Variants in PSMD9 observed in about 807,000 individuals in gnomAD.
PSMD9 encodes the protein 26S proteasome non-ATPase regulatory subunit 9.
Under a neutral mutation model 25.9 loss-of-function variants are expected in PSMD9, and 26 were observed. The ratio of observed to expected loss-of-function variants is 1.00; its 90% CI spans 0.73 to 1.39. PSMD9 has a LOEUF of 1.39. PSMD9 is among the 40% of genes most tolerant of loss of function. The pLI is 0.00. For missense variants in PSMD9, 303 were observed against 299.3 expected, an observed-to-expected ratio of 1.01 and a Z score of -0.09; for synonymous variants, 110 against 114.5, an observed-to-expected ratio of 0.96 and a Z score of 0.25.
chr12:121,907,478 C>G (rs369966084), intron 4 of PSMD9, among the ~76,000 whole-genome samples: 2 of 152,092 alleles, frequency 1.3e-5, no homozygotes, highest in Non-Finnish European at 2.9e-5. Context: ...CTCTGCCTCC[C>G]GGCACCTGGC....
At chr12:121,906,286 C>T (rs1879551646) in intron 4 of PSMD9, among the ~76,000 whole-genome samples, 1 of 151,964 alleles carries the variant, frequency 6.6e-6, no homozygotes, top group African/African-American at 2.4e-5. Context: ...GTGAGTAGGG[C>T]CTTTCTGGCT....
chr12:121,890,302 C>G (rs1879030566), intron 1 of PSMD9, among the ~76,000 whole-genome samples: 1 of 152,154 alleles, frequency 6.6e-6, no homozygotes, highest in South Asian at 2.1e-4. Context: ...GACTTCAGGT[C>G]TGTTACATTC....
At chr12:121,889,269 C>T (rs1878987913) in intron 1 of PSMD9, among the ~76,000 whole-genome samples, 1 of 152,238 alleles carries the variant, frequency 6.6e-6, no homozygotes, top group Non-Finnish European at 1.5e-5. Flanking sequence ...TTAATTTAAT[C>T]TTTGCAACAA....
chr12:121,890,196 C>T (rs55826938), intron 1 of PSMD9, among the ~76,000 whole-genome samples: 38,301 of 152,098 alleles, frequency 0.25, 6,120 homozygotes, highest in East Asian at 0.57. Flanking sequence ...GGATTACAGG[C>T]GTGAGCCACC....
chr12:121,894,735 C>T lies in PSMD9; in HGVS notation c.139-4C>T. Reference sequence around the variant, plus strand: ...CACCTTTTAACCACGTTTCTTTCCTCCAGCAAAAAGGCATTGGGATGAACG... The same window carrying T: ...CACCTTTTAACCACGTTTCTTTCCTTCAGCAAAAAGGCATTGGGATGAACG... On this transcript the variant is annotated splice_polypyrimidine_tract_variant and splice_region_variant and intron_variant, in intron 1 of 5. Transcript: ENST00000541212. 1 of 1,613,794 alleles carries T rather than the reference C, an allele frequency of 6.2e-7. No individual in the cohort carries two copies. The highest frequency in any genetic ancestry group is 8.5e-7 in the Non-Finnish European group (1 of 1,179,842).
chr12:121,900,636 T>G (rs1222618971), intron 3 of PSMD9, among the ~76,000 whole-genome samples: 1 of 150,090 alleles, frequency 6.7e-6, no homozygotes, highest in East Asian at 2.0e-4. Flanking sequence ...TACAGTTTAG[T>G]GTCTTTTGGT....
chr12:121,916,616 T>C lies in PSMD9; in HGVS notation c.*305T>C. The C allele has an allele frequency of 2.7e-6, 1 of 371,544 alleles. No homozygotes were observed. Among genetic ancestry groups the C allele is most frequent in the Non-Finnish European group, 4.9e-6 (1 of 203,902 alleles). The allele number at this position is 371,544 out of a possible 1,614,324, so 23.0% of individuals were successfully genotyped here. A position where few individuals can be genotyped will look rare whatever the true frequency, so the allele number is the denominator to read the frequency against. On this transcript the variant is annotated 3_prime_UTR_variant, in exon 6 of 6. Coordinates refer to ENST00000541212, the MANE Select transcript of PSMD9 (RefSeq NM_002813.7). ...CTGGTGTGATTATTATTATTATTTT[T>C]AATAAAGAGTTTTACAGTGCTGATA...
chr12:121,899,517 C>A, intron 2 of PSMD9, 117 bp from the exon 3 acceptor site: 1 of 979,824 alleles, frequency 1.0e-6, no homozygotes, highest in Non-Finnish European at 1.5e-6. Context: ...CTCCTTCTCA[C>A]CTCTAGCTCC....
At chr12:121,903,863 G>A (rs1041700101) in intron 4 of PSMD9, among the ~76,000 whole-genome samples, 4 of 151,406 alleles carry the variant, frequency 2.6e-5, no homozygotes, top group Admixed American at 6.6e-5. Context: ...TTGTGGAGGC[G>A]GGGTCTTGCT....
intron 1 of PSMD9, among the ~76,000 whole-genome samples, chr12:121,889,447 G>A (rs1031830669): frequency 2.0e-5 from 3 of 152,144 alleles, no homozygotes; most frequent in African/African-American, 4.8e-5. Flanking sequence ...CGAACTCATG[G>A]CCTCAAGCGA....
chr12:121,917,742 TGGTA>T lies in PSMD9; in HGVS notation c.*1433_*1436del, dbSNP rs1879964671. On this transcript the variant is annotated 3_prime_UTR_variant, in exon 6 of 6. Transcript: ENST00000541212. ...CCTGACAGCCATACGTATTCCCCTC[TGGTA>T]GCCACAGACATGCTGTGTTTACCAA... The T allele has an allele frequency of 6.6e-6, 1 of 152,246 alleles. No individual in the cohort carries two copies. Among genetic ancestry groups the T allele is most frequent in the Non-Finnish European group, 1.5e-5 (1 of 68,042 alleles). 9.4% of individuals were successfully genotyped at this position (152,246 alleles called of 1,614,324 possible). A position where few individuals can be genotyped will look rare whatever the true frequency, so the allele number is the denominator to read the frequency against.
intron 2 of PSMD9, 195 bp from the exon 3 acceptor site, chr12:121,899,439 T>C (rs1214548948): frequency 1.7e-6 from 1 of 594,932 alleles, no homozygotes. Context: ...TTGTAATTAC[T>C]TATTCTGGAG....
intron 2 of PSMD9, among the ~76,000 whole-genome samples, chr12:121,896,090 C>T (rs1879219896): frequency 6.6e-6 from 1 of 151,628 alleles, no homozygotes; most frequent in South Asian, 2.1e-4. Flanking sequence ...ACTGCAACTT[C>T]CACCTCCCGA....
At chr12:121,889,657 G>A (rs541322594) in intron 1 of PSMD9, among the ~76,000 whole-genome samples, 1 of 152,266 alleles carries the variant, frequency 6.6e-6, no homozygotes, top group African/African-American at 2.4e-5. Flanking sequence ...TGATGCTAGT[G>A]GTCTAAGGAC....
intron 3 of PSMD9, chr12:121,902,095 A>G (rs1879416913): frequency 6.6e-6 from 1 of 152,232 alleles, no homozygotes; most frequent in South Asian, 2.1e-4. Context: ...GCTATTACGA[A>G]GCATGTTGCT....
intron 4 of PSMD9, among the ~76,000 whole-genome samples, chr12:121,909,055 G>A (rs1879641326): frequency 6.6e-6 from 1 of 152,090 alleles, no homozygotes; most frequent in East Asian, 1.9e-4. Flanking sequence ...TGGATGTTAG[G>A]TAGAGAACAG....
At chr12:121,914,023 G>T (rs910620315) in intron 4 of PSMD9, among the ~76,000 whole-genome samples, 1 of 151,998 alleles carries the variant, frequency 6.6e-6, no homozygotes, top group African/African-American at 2.4e-5. Context: ...AGCCTCCCGA[G>T]TAGCTGGGAC....
At chr12:121,909,000 C>T (rs187136503) in intron 4 of PSMD9, among the ~76,000 whole-genome samples, 9 of 151,776 alleles carry the variant, frequency 5.9e-5, no homozygotes, top group East Asian at 3.9e-4. Flanking sequence ...AGGGAGCCAC[C>T]GCACAGTTCC....
Position 121,917,147 on chromosome 12 carries a change from T to G in PSMD9, c.*836T>G, listed in dbSNP as rs1879935900. ...CTGGGACCACAGGCGTGCACCACCA[T>G]GCATAGCTAATTTATTTTTTGTAGA... On this transcript the variant is annotated 3_prime_UTR_variant, in exon 6 of 6. Transcript: ENST00000541212. 2.0e-5 allele frequency: 3 copies of G among 152,274 alleles called. No homozygotes were observed. 9.4% of individuals were successfully genotyped at this position (152,274 alleles called of 1,614,324 possible). A position where few individuals can be genotyped will look rare whatever the true frequency, so the allele number is the denominator to read the frequency against.
Sources: allele counts gnomAD v4.1 joint callset (sites outside exome capture counted in the v4.1 genomes callset), GRCh38; gene constraint gnomAD v4.1.1; transcripts MANE v1.5; gene names NCBI Gene and HGNC (gene_info 2026-07-23, HGNC 2026-07-21).